Variants in RAPGEF4 observed in about 807,000 individuals in gnomAD.
The protein encoded by RAPGEF4 is RAP guanine-nucleotide-exchange factor (GEF) 4.
In RAPGEF4, 66 loss-of-function variants were observed where a neutral mutation model predicts 147.9. The ratio of observed to expected loss-of-function variants is 0.45; its 90% confidence interval spans 0.37 to 0.55. The LOEUF is 0.55. Among genes scored for constraint, RAPGEF4 ranks in the 20% least tolerant of loss-of-function variants. RAPGEF4 has a pLI of 0.00. For synonymous variants in RAPGEF4, 419 were observed against 442.7 expected, an observed-to-expected ratio of 0.95 and a Z score of 0.67; for missense variants, 1,071 against 1,257.3, an observed-to-expected ratio of 0.85 and a Z score of 2.24.
At chr2:172,877,377 G>A (rs915790005) in intron 4 of RAPGEF4, among the ~76,000 whole-genome samples, 5 of 152,070 alleles carry the variant, frequency 3.3e-5, no homozygotes, top group African/African-American at 1.2e-4. Context: ...GAGGGTGGGG[G>A]ACCAGGGGAG....
chr2:172,897,402 A>G (rs1180675415), intron 4 of RAPGEF4, among the ~76,000 whole-genome samples: 1 of 151,688 alleles, frequency 6.6e-6, no homozygotes, highest in East Asian at 1.9e-4. Flanking sequence ...TTAAAAATAT[A>G]TATATATAGA....
intron 4 of RAPGEF4, among the ~76,000 whole-genome samples, chr2:172,817,467 G>A (rs558787554): frequency 6.6e-6 from 1 of 152,192 alleles, no homozygotes; most frequent in East Asian, 1.9e-4. Context: ...GCTGATATCT[G>A]TTAGTAAAAT....
Position 172,961,186 on chromosome 2 carries a change from C to A in RAPGEF4, c.656C>A (p.Pro219His). The A allele has an allele frequency of 6.2e-7, 1 of 1,612,782 alleles. No homozygotes were observed. The highest frequency in any genetic ancestry group is 8.5e-7 in the Non-Finnish European group (1 of 1,178,762). Reference protein sequence around the residue: ...ILRNAILSRAPHMIRDRKYHL... With the variant: ...ILRNAILSRAHHMIRDRKYHL... ...CGAAATGCCATTCTCTCTCGAGCACCTCACATGATAAGAGATAGAAAATAC... is the reference window on the plus strand; with the variant it reads ...CGAAATGCCATTCTCTCTCGAGCACATCACATGATAAGAGATAGAAAATAC... The change falls in exon 8 of 31, where the codon CCT (proline) becomes CAT (histidine). Residue 219 changes from proline (P) to histidine (H), a missense_variant. Physicochemically the swap from Pro to His is moderately conservative, Grantham distance 77. Coordinates refer to ENST00000397081, the MANE Select transcript of RAPGEF4 (RefSeq NM_007023.4).
intron 10 of RAPGEF4, among the ~76,000 whole-genome samples, chr2:172,980,363 A>G (rs894663900): frequency 1.3e-5 from 2 of 152,208 alleles, no homozygotes; most frequent in Non-Finnish European, 2.9e-5. Context: ...TTTGGAGAAC[A>G]AGATTTAGGT....
At chr2:172,822,412 G>A (rs534176740) in intron 4 of RAPGEF4, among the ~76,000 whole-genome samples, 1 of 152,308 alleles carries the variant, frequency 6.6e-6, no homozygotes, top group Non-Finnish European at 1.5e-5. Flanking sequence ...GCCCCTGGAA[G>A]GTATTTTGCC....
At chr2:172,739,141 A>G (rs1242951253) in intron 1 of RAPGEF4, among the ~76,000 whole-genome samples, 3 of 152,184 alleles carry the variant, frequency 2.0e-5, no homozygotes, top group Admixed American at 6.5e-5. Context: ...AAAACCAGAA[A>G]GACAGGACAT....
At chr2:172,883,908 C>T (rs1230630133) in intron 4 of RAPGEF4, among the ~76,000 whole-genome samples, 4 of 152,098 alleles carry the variant, frequency 2.6e-5, no homozygotes, top group Non-Finnish European at 5.9e-5. Flanking sequence ...GTGAAAAGAA[C>T]AAACCATATA....
chr2:172,825,323 C>T (rs551581629), intron 4 of RAPGEF4, among the ~76,000 whole-genome samples: 10 of 152,098 alleles, frequency 6.6e-5, no homozygotes, highest in African/African-American at 2.4e-4. Context: ...AAGTGAAAAC[C>T]AGAATGGTTG....
chr2:172,954,050 C>T (rs1444265212), intron 6 of RAPGEF4, among the ~76,000 whole-genome samples: 1 of 152,114 alleles, frequency 6.6e-6, no homozygotes. Context: ...CTTCTCCTTG[C>T]CAGAGCCACA....
rs553984217 is a variant in RAPGEF4, at chr2:172,931,806, A to G, written c.537+9506A>G. On this transcript the variant is annotated intron_variant, in intron 6 of 30. Transcript: ENST00000397081. ...ATTTTTTAAATCTTACGTTTAACCA[A>G]TTCTCCTTTTATAAGTGTCAAAGCA... Among the ~76,000 whole-genome samples the G allele has an allele frequency of 5.9e-5, 9 of 152,344 alleles. No individual in the cohort carries two copies. The South Asian group carries it at 1.4e-3, about 25-fold the overall frequency.
intron 4 of RAPGEF4, among the ~76,000 whole-genome samples, chr2:172,825,296 A>G (rs1689544873): frequency 1.3e-5 from 2 of 152,272 alleles, no homozygotes; most frequent in Non-Finnish European, 2.9e-5. Flanking sequence ...CATATAATTC[A>G]TTGAATACTG....
intron 4 of RAPGEF4, among the ~76,000 whole-genome samples, chr2:172,875,623 C>A (rs1695823754): frequency 1.3e-5 from 2 of 152,224 alleles, no homozygotes; most frequent in South Asian, 4.2e-4. Context: ...GTTTTGGTAC[C>A]AGTACCATGC....
At position 173,026,595 on chromosome 2, in the gene RAPGEF4, C is replaced by A. The variant is rs1218414363; in HGVS notation, c.2277C>A (p.Gly759=). The change falls in exon 24 of 31, where the codon GGC becomes GGA. Residue 759 remains glycine (G), a synonymous_variant. Transcript: ENST00000397081. ...DSLTPLPEQE[G]PTVGTVGTFE... The stretch of plus-strand genomic sequence containing the variant: ...AGACTCCCTTACCAGAACAGGAAGG[C>A]CCAACTGTTGGAACAGTGGGAACTT... The A allele has an allele frequency of 6.8e-6, 11 of 1,613,464 alleles. No homozygotes were observed. The highest frequency in any genetic ancestry group is 9.3e-6 in the Non-Finnish European group (11 of 1,179,508).
chr2:173,032,135 C>T (rs1359030409), intron 26 of RAPGEF4, among the ~76,000 whole-genome samples: 1 of 152,176 alleles, frequency 6.6e-6, no homozygotes, highest in African/African-American at 2.4e-5. Flanking sequence ...TTACCTGGAG[C>T]ACACACACTC....
chr2:172,977,792 A>AT (rs1177013094), intron 10 of RAPGEF4, among the ~76,000 whole-genome samples: 2 of 152,200 alleles, frequency 1.3e-5, no homozygotes, highest in South Asian at 2.1e-4. Context: ...GTATATACTC[A>AT]TTTTTTAAAG....
chr2:172,740,398 T>G (rs1246949951), intron 1 of RAPGEF4, among the ~76,000 whole-genome samples: 1 of 152,202 alleles, frequency 6.6e-6, no homozygotes, highest in Non-Finnish European at 1.5e-5. Context: ...ATTCAAAAGG[T>G]TGTGATCTTT....
intron 29 of RAPGEF4, 44 bp from the exon 30 acceptor site, chr2:173,048,556 G>T: frequency 1.2e-6 from 2 of 1,612,968 alleles, no homozygotes; most frequent in East Asian, 2.2e-5. Flanking sequence ...TGTACTCTAC[G>T]CTTACTTGAA....
intron 4 of RAPGEF4, among the ~76,000 whole-genome samples, chr2:172,887,501 C>T (rs1458535658): frequency 1.3e-5 from 2 of 152,212 alleles, no homozygotes; most frequent in African/African-American, 4.8e-5. Flanking sequence ...TGGGCCAAAT[C>T]CAGACTACTG....
chr2:172,777,742 G>A (rs1644135506), intron 1 of RAPGEF4, among the ~76,000 whole-genome samples: 1 of 152,114 alleles, frequency 6.6e-6, no homozygotes, highest in African/African-American at 2.4e-5. Flanking sequence ...CTCTGCCTGT[G>A]TTCCAGAAAG....
Sources: gnomAD v4.1 joint callset for allele counts (sites outside exome capture counted in the v4.1 genomes callset) on GRCh38, gnomAD v4.1.1 for gene constraint, MANE v1.5 for transcripts, NCBI Gene and HGNC (gene_info 2026-07-23, HGNC 2026-07-21) for gene names.